RNF180: variants seen among roughly 807,000 people sequenced by gnomAD.
RNF180 encodes ring finger protein 180.
In RNF180, 38 loss-of-function variants were observed where a neutral mutation model predicts 59.2. The ratio of observed to expected loss-of-function variants is 0.64; its 90% confidence interval spans 0.50 to 0.84. The LOEUF (loss-of-function observed/expected upper bound fraction) is 0.84, where lower values mean the gene tolerates loss of function less well. RNF180 is among the 40% of genes least tolerant of loss of function. The pLI, the probability that RNF180 is intolerant of heterozygous loss-of-function variation, is 0.00. For missense variants in RNF180, 705 were observed against 700.9 expected (o/e 1.01, Z -0.07); for synonymous variants, 262 against 240.3 (o/e 1.09, Z -0.84).
chr5:64,233,315 A>C (rs1001965295), intron 5 of RNF180, among the ~76,000 whole-genome samples: 4 of 152,228 alleles, frequency 2.6e-5, no homozygotes, highest in Admixed American at 6.5e-5. Context: ...AAAATGAAAA[A>C]TTATTGGCAA....
rs1327485462 is a variant in RNF180, at chr5:64,214,482, A to G, written c.1156A>G (p.Lys386Glu). The change falls in exon 4 of 8, where the codon AAA becomes GAA. Residue 386 changes from lysine to glutamate, a missense_variant. By Grantham distance (56) the Lys-to-Glu change is moderately conservative. Transcript: ENST00000389100. The part of the protein sequence containing the change: ...ERSKLKNLRR[K>E]QRRRERWLQK... Reference sequence around the variant, plus strand: ...GAGCAAGTTGAAGAATCTAAGAAGGAAACAACGAAGGCGTGAAAGATGGCT... The same window carrying G: ...GAGCAAGTTGAAGAATCTAAGAAGGGAACAACGAAGGCGTGAAAGATGGCT... The G allele has an allele frequency of 1.2e-6, 2 of 1,613,784 alleles. No homozygotes were observed. Among genetic ancestry groups the G allele is most frequent in the Non-Finnish European group, 1.7e-6 (2 of 1,179,844 alleles).
intron 5 of RNF180, among the ~76,000 whole-genome samples, chr5:64,298,546 A>G (rs1344574952): frequency 1.3e-5 from 2 of 152,044 alleles, no homozygotes; most frequent in African/African-American, 4.8e-5. Flanking sequence ...CAGAAATAGA[A>G]TATAATGCCT....
chr5:64,357,078 G>A (rs1163868273), intron 7 of RNF180, among the ~76,000 whole-genome samples: 1 of 151,712 alleles, frequency 6.6e-6, no homozygotes, highest in Non-Finnish European at 1.5e-5. Context: ...GTGTAATGTA[G>A]CCTAACTTTA....
intron 5 of RNF180, among the ~76,000 whole-genome samples, chr5:64,309,924 A>G (rs1743677879): frequency 6.6e-6 from 1 of 151,732 alleles, no homozygotes; most frequent in Non-Finnish European, 1.5e-5. Flanking sequence ...AGTCAAAGGA[A>G]CAAAGGCCTA....
At chr5:64,345,335 T>C (rs1023621901) in intron 7 of RNF180, among the ~76,000 whole-genome samples, 4 of 152,172 alleles carry the variant, frequency 2.6e-5, no homozygotes, top group East Asian at 1.9e-4. Flanking sequence ...TTATCCTCTT[T>C]CCTAATAAAT....
intron 1 of RNF180, among the ~76,000 whole-genome samples, chr5:64,188,857 C>T (rs1750997013): frequency 6.6e-6 from 1 of 152,100 alleles, no homozygotes; most frequent in Admixed American, 6.5e-5. Context: ...TTGTGTCCCT[C>T]ACCGCCTGCC....
At chr5:64,320,838 A>T (rs1744304538) in intron 5 of RNF180, among the ~76,000 whole-genome samples, 1 of 152,178 alleles carries the variant, frequency 6.6e-6, no homozygotes, top group South Asian at 2.1e-4. Context: ...GGAGTTCGAG[A>T]CCATCCTGGC....
At chr5:64,188,808 G>A (rs1750994805) in intron 1 of RNF180, among the ~76,000 whole-genome samples, 1 of 152,098 alleles carries the variant, frequency 6.6e-6, no homozygotes, top group Non-Finnish European at 1.5e-5. Context: ...AAAATTGGGA[G>A]GACTGGCTTG....
intron 1 of RNF180, among the ~76,000 whole-genome samples, chr5:64,185,999 G>A (rs1235351580): frequency 6.6e-6 from 1 of 152,126 alleles, no homozygotes; most frequent in Non-Finnish European, 1.5e-5. Flanking sequence ...CAAGTCTCTC[G>A]GCTTCCCAGG....
intron 5 of RNF180, among the ~76,000 whole-genome samples, chr5:64,276,359 T>TGTGTGTAC (rs749438610): frequency 1.4e-5 from 2 of 138,594 alleles, no homozygotes; most frequent in East Asian, 4.0e-4. Flanking sequence ...TGTGTGTGTG[T>TGTGTGTAC]ACAAAAACCA....
intron 2 of RNF180, among the ~76,000 whole-genome samples, chr5:64,210,167 C>T (rs549088947): frequency 2.0e-5 from 3 of 152,220 alleles, no homozygotes; most frequent in East Asian, 3.9e-4. Context: ...TATTTATAGA[C>T]ACTCTTAGGT....
intron 5 of RNF180, 23 bp from the exon 6 acceptor site, chr5:64,325,160 GAAA>G (rs1177939680): frequency 1.4e-6 from 2 of 1,464,244 alleles, no homozygotes; most frequent in East Asian, 2.5e-5. Context: ...ACTAAATTAA[GAAA>G]AAAGTTTTCT....
chr5:64,231,687 A>G (rs1017191578), intron 5 of RNF180, among the ~76,000 whole-genome samples: 36 of 152,250 alleles, frequency 2.4e-4, no homozygotes, highest in Non-Finnish European at 7.3e-5. Context: ...CTTCTTACTC[A>G]GAAGCTAATT....
chr5:64,217,363 T>C lies in RNF180; in HGVS notation c.1194T>C (p.Gly398=). ...AACCTAATTTTTTATTTCTCTAGGG[T>C]AAATACTCAGGAGTGGGATTGCTGG... ...RRRERWLQKQ[G]KYSGVGLLDH... is the part of the protein sequence containing the mutation. The change falls in exon 5 of 8, where the codon GGT becomes GGC. Residue 398 remains glycine, a splice_region_variant and synonymous_variant. Transcript: ENST00000389100. The C allele has an allele frequency of 7.1e-7, 1 of 1,408,610 alleles. No homozygotes were observed. The highest frequency in any genetic ancestry group is 9.3e-7 in the Non-Finnish European group (1 of 1,076,678). The allele number at this position is 1,408,610 out of a possible 1,614,324, so 87.3% of individuals were successfully genotyped here. A position where few individuals can be genotyped will look rare whatever the true frequency, so the allele number is the denominator to read the frequency against.
At position 64,214,309 on chromosome 5, in the gene RNF180, A is replaced by G; in HGVS notation, c.983A>G (p.Asn328Ser). ...SVYSDHTNTNNLTFLMDLPSA... is the reference protein window; with the variant it reads ...SVYSDHTNTNSLTFLMDLPSA... The stretch of plus-strand genomic sequence containing the variant: ...TATTCTGACCATACTAATACTAACA[A>G]TCTGACTTTCCTGATGGACCTGCCC... The change falls in exon 4 of 8, where the codon AAT becomes AGT. Residue 328 changes from asparagine (N) to serine (S), a missense_variant. Transcript: ENST00000389100. 6 of 1,614,046 alleles carry G rather than the reference A, an allele frequency of 3.7e-6. No individual in the cohort carries two copies. The highest frequency in any genetic ancestry group is 1.7e-5 in the Admixed American group (1 of 59,962).
chr5:64,343,005 C>T (rs997103338), intron 7 of RNF180, among the ~76,000 whole-genome samples: 1 of 152,152 alleles, frequency 6.6e-6, no homozygotes. Flanking sequence ...GTCTCTCACT[C>T]TGTCTGCCTG....
rs575457933 is a variant in RNF180, at chr5:64,230,974, G to A, written c.1227+13578G>A. ...CATAAATGATCAGATTGGTCCATTG[G>A]GTCTTGCCTAAGTAGCATAAAGGGC... On this transcript the variant is annotated intron_variant, in intron 5 of 7. Transcript: ENST00000389100. Among the ~76,000 whole-genome samples, 3 of 152,258 alleles carry A rather than the reference G, an allele frequency of 2.0e-5. No individual in the cohort carries two copies. The East Asian group carries it at 5.8e-4, about 29-fold the overall frequency.
At chr5:64,199,918 A>T (rs1751651659) in intron 1 of RNF180, among the ~76,000 whole-genome samples, 1 of 152,194 alleles carries the variant, frequency 6.6e-6, no homozygotes, top group Non-Finnish European at 1.5e-5. Flanking sequence ...TTGCTTGATT[A>T]TATACAAGAT....
At chr5:64,236,812 C>T (rs1742471058) in intron 5 of RNF180, among the ~76,000 whole-genome samples, 1 of 152,186 alleles carries the variant, frequency 6.6e-6, no homozygotes, top group South Asian at 2.1e-4. Flanking sequence ...AGGAACAGCT[C>T]AGGCTGTTGC....
Sources: allele counts gnomAD v4.1 joint callset (sites outside exome capture counted in the v4.1 genomes callset), GRCh38; gene constraint gnomAD v4.1.1; transcripts MANE v1.5; gene names NCBI Gene and HGNC (gene_info 2026-07-23, HGNC 2026-07-21).